The following UGGT2 variants were observed in gnomAD, a reference collection of about 807,000 sequenced individuals.
UGGT2 encodes UDP-glucose glycoprotein glucosyltransferase 2, also known as UDP-glucose:glycoprotein glucosyltransferase 2.
Under a neutral mutation model 192.1 loss-of-function variants are expected in UGGT2, and 180 were observed. The ratio of observed to expected loss-of-function variants is 0.94; its 90% CI spans 0.83 to 1.06. The LOEUF is 1.06. Among genes scored for constraint, UGGT2 ranks in the 50% least tolerant of loss-of-function variants. The pLI is 0.00. For synonymous variants in UGGT2, 580 were observed against 591.0 expected, an observed-to-expected ratio of 0.98 and a Z score of 0.27; for missense variants, 1,849 against 1,795.7, an observed-to-expected ratio of 1.03 and a Z score of -0.54.
At chr13:95,930,769 TCTTA>T (rs1426978913) in intron 17 of UGGT2, among the ~76,000 whole-genome samples, 1 of 152,164 alleles carries the variant, frequency 6.6e-6, no homozygotes, top group Non-Finnish European at 1.5e-5. Context: ...GTGTTACAGT[TCTTA>T]AAGATGGAGT....
At chr13:95,805,067 A>G (rs1458677837) in intron 38 of UGGT2, among the ~76,000 whole-genome samples, 1 of 152,102 alleles carries the variant, frequency 6.6e-6, no homozygotes, top group Admixed American at 6.5e-5. Context: ...TACAATATAT[A>G]AAGAAACCCT....
chr13:95,997,254 C>G (rs2051652814), intron 6 of UGGT2, among the ~76,000 whole-genome samples: 1 of 152,044 alleles, frequency 6.6e-6, no homozygotes, highest in Non-Finnish European at 1.5e-5. Context: ...ATGAACTTTT[C>G]TAAAAGAAGG....
At chr13:95,972,374 A>G (rs1002509353) in intron 11 of UGGT2, among the ~76,000 whole-genome samples, 1 of 152,200 alleles carries the variant, frequency 6.6e-6, no homozygotes, top group Non-Finnish European at 1.5e-5. Context: ...CCCTCATCCA[A>G]ACAAATATCT....
chr13:96,037,259 T>C (rs2053032255), intron 1 of UGGT2, among the ~76,000 whole-genome samples: 2 of 152,188 alleles, frequency 1.3e-5, no homozygotes, highest in Non-Finnish European at 2.9e-5. Flanking sequence ...AGTGCAGTGG[T>C]GCGATCTTGA....
chr13:95,979,917 G>GA (rs1483681082), intron 10 of UGGT2, among the ~76,000 whole-genome samples: 2 of 152,156 alleles, frequency 1.3e-5, no homozygotes, highest in African/African-American at 4.8e-5. Context: ...AAGTATCAGA[G>GA]AAATGCAAAT....
At chr13:96,023,189 G>T in intron 3 of UGGT2, 37 bp from the exon 4 acceptor site, 1 of 1,495,528 alleles carries the variant, frequency 6.7e-7, no homozygotes, top group South Asian at 1.4e-5. Context: ...TACAGCAGTT[G>T]ATAATTACAA....
chr13:95,941,253 G>A (rs1213549524), intron 15 of UGGT2, among the ~76,000 whole-genome samples: 3 of 152,156 alleles, frequency 2.0e-5, no homozygotes, highest in African/African-American at 7.2e-5. Flanking sequence ...ATTTACTTAT[G>A]TCATTATTGC....
rs189069175 is a variant in UGGT2 at position 95,876,616 on chromosome 13, G to T, written c.3473+663C>A. Reference sequence around the variant, plus strand: ...ACTTCCCTCTACTTCCCCCAAGGGGGTATCTCTCCAGCTGTGCTGTATCAG... The same window carrying T: ...ACTTCCCTCTACTTCCCCCAAGGGGTTATCTCTCCAGCTGTGCTGTATCAG... On this transcript the variant is annotated intron_variant, in intron 29 of 38. Coordinates refer to ENST00000376747, the MANE Select transcript of UGGT2 (RefSeq NM_020121.4). Among the ~76,000 whole-genome samples, 527 of 152,296 alleles carry T rather than the reference G, an allele frequency of 3.5e-3. 5 individuals carry two copies. Among genetic ancestry groups the T allele is most frequent in the African/African-American group, 0.012 (497 of 41,574 alleles).
At chr13:96,042,722 T>C (rs545407306) in intron 1 of UGGT2, among the ~76,000 whole-genome samples, 10 of 151,386 alleles carry the variant, frequency 6.6e-5, no homozygotes, top group Non-Finnish European at 1.3e-4. Context: ...AAATGTAAAA[T>C]AGAGTTTCAG....
At chr13:95,802,094 G>A (rs2139716260) in intron 38 of UGGT2, among the ~76,000 whole-genome samples, 1 of 152,212 alleles carries the variant, frequency 6.6e-6, no homozygotes, top group East Asian at 1.9e-4. Context: ...GTTATCTTTA[G>A]GATCTAGCAT....
intron 12 of UGGT2, among the ~76,000 whole-genome samples, chr13:95,968,783 G>A (rs1201472550): frequency 6.6e-6 from 1 of 152,014 alleles, no homozygotes; most frequent in East Asian, 1.9e-4. Context: ...GGTAAGCATG[G>A]CCTAATACAT....
At chr13:96,014,064 T>C (rs888921122) in intron 4 of UGGT2, among the ~76,000 whole-genome samples, 5 of 152,132 alleles carry the variant, frequency 3.3e-5, no homozygotes, top group Non-Finnish European at 7.4e-5. Context: ...ACAGCTACCA[T>C]CACTGAAACT....
At chr13:96,023,175 T>C in intron 3 of UGGT2, 23 bp from the exon 4 acceptor site, 1 of 1,537,922 alleles carries the variant, frequency 6.5e-7, no homozygotes, top group Non-Finnish European at 8.8e-7. Flanking sequence ...AGATTATATT[T>C]AGCTACAGCA....
intron 17 of UGGT2, among the ~76,000 whole-genome samples, chr13:95,929,871 A>C (rs910906040): frequency 6.6e-6 from 1 of 152,218 alleles, no homozygotes; most frequent in Non-Finnish European, 1.5e-5. Flanking sequence ...ACTGCTTTCC[A>C]AAGGGGCTGA....
At chr13:95,968,962 C>A (rs2050679679) in intron 12 of UGGT2, among the ~76,000 whole-genome samples, 1 of 152,106 alleles carries the variant, frequency 6.6e-6, no homozygotes, top group Non-Finnish European at 1.5e-5. Context: ...TAATTAAGCT[C>A]TTGGAATGTT....
chr13:95,837,073 CAA>C lies in UGGT2; in HGVS notation c.4401+11_4401+12del. On this transcript the variant is annotated intron_variant, in intron 37 of 38. Transcript: ENST00000376747. ...GTATCTGCTTACATACAAATGAAAACAAAGACACTCACCAGATCAATTGTTTT... is the reference window on the plus strand; with the variant it reads ...GTATCTGCTTACATACAAATGAAAACAGACACTCACCAGATCAATTGTTTT... 6.3e-7 allele frequency: 1 copy of C among 1,575,116 alleles called. No individual in the cohort carries two copies. Among genetic ancestry groups the C allele is most frequent in the Non-Finnish European group, 8.7e-7 (1 of 1,144,818 alleles).
intron 25 of UGGT2, 127 bp from the exon 26 acceptor site, chr13:95,888,098 G>A (rs1459511729): frequency 7.0e-6 from 4 of 575,266 alleles, no homozygotes; most frequent in African/African-American, 1.9e-5. Flanking sequence ...TCCTTACAAC[G>A]CCCTGCTGAA....
chr13:95,981,081 T>C (rs1326595043), intron 10 of UGGT2, among the ~76,000 whole-genome samples: 1 of 152,142 alleles, frequency 6.6e-6, no homozygotes. Context: ...ATGTTTCTTA[T>C]CTCCTCTACT....
At chr13:96,022,602 TAATA>T (rs897059560) in intron 4 of UGGT2, among the ~76,000 whole-genome samples, 1 of 151,850 alleles carries the variant, frequency 6.6e-6, no homozygotes, top group African/African-American at 2.4e-5. Flanking sequence ...AAAAAATCAC[TAATA>T]AATTAATAAT....
Sources: allele counts gnomAD v4.1 joint callset (sites outside exome capture counted in the v4.1 genomes callset), GRCh38; gene constraint gnomAD v4.1.1; transcripts MANE v1.5; gene names NCBI Gene and HGNC (gene_info 2026-07-23, HGNC 2026-07-21).